SLC25A51: variants seen among roughly 807,000 people sequenced by gnomAD.
SLC25A51 encodes solute carrier family 25 member 51.
A neutral mutation model predicts 19.1 loss-of-function variants in SLC25A51; 11 were observed. The ratio of observed to expected loss-of-function variants is 0.58; its 90% confidence interval spans 0.36 to 0.96. The LOEUF is 0.96. Among genes scored for constraint, SLC25A51 ranks in the 40% least tolerant of loss-of-function variants. The pLI, the probability that SLC25A51 is intolerant of heterozygous loss-of-function variation, is 0.01. For missense variants in SLC25A51, 201 were observed against 365.4 expected (o/e 0.55, Z 3.67); for synonymous variants, 105 against 133.6 (o/e 0.79, Z 1.47).
Position 37,891,077 on chromosome 9 carries a change from G to A in SLC25A51, c.-42-2485C>T, listed in dbSNP as rs575659968. 8.5e-5 allele frequency among the ~76,000 whole-genome samples: 13 copies of A among 152,380 alleles called. 1 individual carries two copies. Among genetic ancestry groups the A allele is most frequent in the South Asian group, 2.1e-4 (1 of 4,830 alleles). ...AGAATCAGATAGCATTAGTTCCTAA[G>A]GGGCGTATATCTGCCAGAGCCACCA... On this transcript the variant is annotated intron_variant, in intron 2 of 2. Coordinates refer to ENST00000242275, the MANE Select transcript of SLC25A51 (RefSeq NM_033412.4).
chr9:37,894,590 T>G (rs756406533), intron 2 of SLC25A51, among the ~76,000 whole-genome samples: 1 of 152,148 alleles, frequency 6.6e-6, no homozygotes, highest in African/African-American at 2.4e-5. Context: ...CCTCCCAAAG[T>G]GCAGGGATTA....
At chr9:37,886,734 T>G (rs143466264), downstream of SLC25A51, among the ~76,000 whole-genome samples, 1 of 152,200 alleles carries the variant, frequency 6.6e-6, no homozygotes, top group Non-Finnish European at 1.5e-5. Flanking sequence ...TTATTCCTTC[T>G]TAGTCAACCT....
downstream of SLC25A51, among the ~76,000 whole-genome samples, chr9:37,885,484 TA>T (rs1268464439): frequency 6.6e-6 from 1 of 151,946 alleles, no homozygotes; most frequent in African/African-American, 2.4e-5. Flanking sequence ...TTTGGCCAAT[TA>T]AGAAAGAGAT....
chr9:37,885,564 T>C (rs1392059493), downstream of SLC25A51: 2 of 640,224 alleles, frequency 3.1e-6, no homozygotes, highest in African/African-American at 1.8e-5. Context: ...TAATTTTTTG[T>C]ATTTTTAGTA....
At chr9:37,893,870 C>T (rs1404511031) in intron 2 of SLC25A51, among the ~76,000 whole-genome samples, 1 of 152,146 alleles carries the variant, frequency 6.6e-6, no homozygotes, top group Non-Finnish European at 1.5e-5. Flanking sequence ...GGCTCACTGG[C>T]CTACTCGGGT....
chr9:37,877,949 A>C (rs1256534627), downstream of SLC25A51, among the ~76,000 whole-genome samples: 1 of 152,188 alleles, frequency 6.6e-6, no homozygotes, highest in Non-Finnish European at 1.5e-5. Context: ...CTGAGGCTGC[A>C]GTGGGCCAAG....
Position 37,894,196 on chromosome 9 carries a change from T to C in SLC25A51, c.-42-5604A>G, listed in dbSNP as rs935856800. Reference sequence around the variant, plus strand: ...TTTGTATTATTAAGGTTTGGAAAACTCTGTGGACAATTCAGCTTGCCAAGT... The same window carrying C: ...TTTGTATTATTAAGGTTTGGAAAACCCTGTGGACAATTCAGCTTGCCAAGT... On this transcript the variant is annotated intron_variant, in intron 2 of 2. Coordinates refer to ENST00000242275, the MANE Select transcript of SLC25A51 (RefSeq NM_033412.4). Among the ~76,000 whole-genome samples the C allele has an allele frequency of 4.6e-5, 7 of 152,206 alleles. No individual in the cohort carries two copies. The East Asian group carries it at 1.2e-3, about 25-fold the overall frequency.
At chr9:37,879,673 A>G (rs1831313729) in exon 4 of SLC25A51, 1 of 152,282 alleles carries the variant, frequency 6.6e-6, no homozygotes, top group African/African-American at 2.4e-5. Context: ...ACATGGTGAC[A>G]TAGAAGAGCC....
chr9:37,882,850 AT>A (rs796401584), downstream of SLC25A51, among the ~76,000 whole-genome samples: 120 of 148,880 alleles, frequency 8.1e-4, no homozygotes, highest in African/African-American at 1.2e-3. Context: ...TGCCTTTTCA[AT>A]TTTTTTTTTT....
chr9:37,889,552 T>C (rs997805038), intron 2 of SLC25A51, among the ~76,000 whole-genome samples: 5 of 151,964 alleles, frequency 3.3e-5, no homozygotes, highest in Non-Finnish European at 7.4e-5. Context: ...TCCACAATTA[T>C]TTTTCCAGTT....
At chr9:37,892,709 G>GAATACAGGCACATGCC (rs1831621015) in intron 2 of SLC25A51, among the ~76,000 whole-genome samples, 1 of 151,284 alleles carries the variant, frequency 6.6e-6, no homozygotes, top group Non-Finnish European at 1.5e-5. Context: ...GAGTACCTGG[G>GAATACAGGCACATGCC]ACTACAGGCA....
At chr9:37,890,960 G>C (rs973322791) in intron 2 of SLC25A51, among the ~76,000 whole-genome samples, 2 of 152,094 alleles carry the variant, frequency 1.3e-5, no homozygotes, top group African/African-American at 4.8e-5. Flanking sequence ...CTACACACAT[G>C]CTGTGGTGAA....
At chr9:37,891,032 C>T (rs1466730100) in intron 2 of SLC25A51, among the ~76,000 whole-genome samples, 3 of 152,138 alleles carry the variant, frequency 2.0e-5, no homozygotes, top group Non-Finnish European at 4.4e-5. Context: ...AAGTAGAAAG[C>T]GTAGAGCTGA....
chr9:37,894,009 A>C (rs900788603), intron 2 of SLC25A51, among the ~76,000 whole-genome samples: 1 of 152,066 alleles, frequency 6.6e-6, no homozygotes, highest in Admixed American at 6.5e-5. Flanking sequence ...CACACACACT[A>C]CTAAGTTTAA....
At chr9:37,897,961 G>A (rs955389954) in intron 2 of SLC25A51, among the ~76,000 whole-genome samples, 1 of 152,110 alleles carries the variant, frequency 6.6e-6, no homozygotes, top group Admixed American at 6.6e-5. Flanking sequence ...TGAAGTGCAG[G>A]AGGCCTTCCT....
chr9:37,894,064 CAG>C (rs1196441874), intron 2 of SLC25A51, among the ~76,000 whole-genome samples: 1 of 152,180 alleles, frequency 6.6e-6, no homozygotes, highest in African/African-American at 2.4e-5. Context: ...AATATTAGCA[CAG>C]AGATACCTGA....
chr9:37,885,798 G>A (rs879034168), downstream of SLC25A51: 45 of 1,600,370 alleles, frequency 2.8e-5, no homozygotes, highest in Non-Finnish European at 3.4e-5. Context: ...AGTGGCCAAC[G>A]CAATTCTTTT....
downstream of SLC25A51, among the ~76,000 whole-genome samples, chr9:37,885,010 A>G (rs1482205629): frequency 6.6e-6 from 1 of 152,230 alleles, no homozygotes; most frequent in East Asian, 1.9e-4. Context: ...AACTAATACA[A>G]GCAATTTATC....
Position 37,888,461 on chromosome 9 carries a change from C to G in SLC25A51, c.90G>C (p.Glu30Asp). Residue 30 changes from glutamate (E) to aspartate (D), a missense_variant, in exon 3 of 3, where the codon GAG (glutamate) becomes GAC (aspartate). Glu to Asp is a conservative substitution (Grantham distance 45). Coordinates refer to ENST00000242275, the MANE Select transcript of SLC25A51 (RefSeq NM_033412.4). ...AGCAGCCACACAAGTAATGCTTCAT[C>G]TCACCAACATTTGTAATATGAGGTG... ...DISPHITNVG[E>D]MKHYLCGCCA... 1 of 1,614,274 alleles carries G rather than the reference C, an allele frequency of 6.2e-7. No individual in the cohort carries two copies. Among genetic ancestry groups the G allele is most frequent in the Non-Finnish European group, 8.5e-7 (1 of 1,180,040 alleles).
Sources: allele counts gnomAD v4.1 joint callset (sites outside exome capture counted in the v4.1 genomes callset), GRCh38; gene constraint gnomAD v4.1.1; transcripts MANE v1.5; gene names NCBI Gene and HGNC (gene_info 2026-07-23, HGNC 2026-07-21).